Variants in MYO3B observed in about 807,000 individuals in gnomAD.
MYO3B encodes the protein myosin-IIIb.
A neutral mutation model predicts 174.6 loss-of-function variants in MYO3B; 156 were observed. The observed-to-expected ratio is 0.89, with a 90% CI of 0.78 to 1.02. The LOEUF (loss-of-function observed/expected upper bound fraction) is 1.02, where lower values mean the gene tolerates loss of function less well. Among genes scored for constraint, MYO3B ranks in the 50% least tolerant of loss-of-function variants. The probability of loss-of-function intolerance (pLI) is 0.00; values close to 1 mark genes in which losing one functional copy is unlikely to be tolerated. For synonymous variants in MYO3B, 563 were observed against 569.1 expected (o/e 0.99, Z 0.15); for missense variants, 1,632 against 1,639.4 (o/e 1.00, Z 0.08).
intron 31 of MYO3B, among the ~76,000 whole-genome samples, 181 bp downstream of exon 31, chr2:170,543,147 G>T (rs1342797314): frequency 6.6e-6 from 1 of 152,198 alleles, no homozygotes; most frequent in Non-Finnish European, 1.5e-5. Flanking sequence ...GTTCAGTAGA[G>T]AGACAGGGAG....
At chr2:170,309,347 T>C (rs1395307387) in intron 7 of MYO3B, among the ~76,000 whole-genome samples, 1 of 152,194 alleles carries the variant, frequency 6.6e-6, no homozygotes, top group Non-Finnish European at 1.5e-5. Flanking sequence ...AAGGAGGTAC[T>C]AGCTTCCTTT....
chr2:170,613,298 G>A lies in MYO3B; in HGVS notation c.3734-38330G>A, dbSNP rs559255060. ...GTTCCCACCCCTACCTGCAATCCAA[G>A]TTCACACTGGCACTGATGGGACTTC... On this transcript the variant is annotated intron_variant, in intron 32 of 34. Transcript: ENST00000408978. 2.6e-5 allele frequency among the ~76,000 whole-genome samples: 4 copies of A among 152,286 alleles called. No individual in the cohort carries two copies. The East Asian group carries it at 7.7e-4, about 29-fold the overall frequency.
chr2:170,587,362 A>C (rs1693551477), intron 32 of MYO3B, among the ~76,000 whole-genome samples: 1 of 152,152 alleles, frequency 6.6e-6, no homozygotes, highest in Admixed American at 6.5e-5. Context: ...TGTTTTGTTC[A>C]TTATGGCCCC....
At chr2:170,538,274 G>T (rs1421796664) in intron 30 of MYO3B, among the ~76,000 whole-genome samples, 2 of 152,166 alleles carry the variant, frequency 1.3e-5, no homozygotes, top group African/African-American at 4.8e-5. Flanking sequence ...CTAGAGAGGG[G>T]AAAAGTATAG....
chr2:170,466,547 G>GC lies in MYO3B; in HGVS notation c.2854dup (p.His952ProfsTer7), dbSNP rs1434866218. On this transcript the variant is annotated frameshift_variant, in exon 25 of 35. Coordinates refer to ENST00000408978, the MANE Select transcript of MYO3B (RefSeq NM_138995.5). LOFTEE classifies it high-confidence loss of function. ...TGCTCTCCAAAATGGTGGTTGGACA[G>GC]CCCCACTTTGTGCGCTGCATTAAAC... The GC allele has an allele frequency of 6.2e-7, 1 of 1,614,042 alleles. No individual in the cohort carries two copies. The highest frequency in any genetic ancestry group is 8.5e-7 in the Non-Finnish European group (1 of 1,180,036).
At position 170,214,843 on chromosome 2, in the gene MYO3B, T is replaced by A. The variant is rs111734289; in HGVS notation, c.526+15T>A. ...CGTTGACTTTGGTAATGACTGCTTG[T>A]CGTTTGTTTTCTTGACGTGTGCAGT... is the stretch of plus-strand genomic sequence containing the variant. On this transcript the variant is annotated intron_variant, in intron 5 of 34. Transcript: ENST00000408978. The A allele has an allele frequency of 1.9e-6, 3 of 1,598,850 alleles. No homozygotes were observed. The highest frequency in any genetic ancestry group is 8.6e-7 in the Non-Finnish European group (1 of 1,166,166).
intron 23 of MYO3B, among the ~76,000 whole-genome samples, chr2:170,451,973 C>T (rs1461914318): frequency 1.3e-5 from 2 of 152,132 alleles, no homozygotes; most frequent in Non-Finnish European, 2.9e-5. Flanking sequence ...CAACCCAAAG[C>T]CAATCGGCCC....
chr2:170,212,262 G>A (rs1379750722), intron 3 of MYO3B, among the ~76,000 whole-genome samples: 1 of 142,956 alleles, frequency 7.0e-6, no homozygotes, highest in Non-Finnish European at 1.5e-5. Context: ...AAAAAAAAAA[G>A]TCTGGGGGAA....
At position 170,200,188 on chromosome 2, in the gene MYO3B, G is replaced by A. The variant is rs775392274; in HGVS notation, c.225G>A (p.Leu75=). 2.5e-6 allele frequency: 4 copies of A among 1,613,450 alleles called. No individual in the cohort carries two copies. The highest frequency in any genetic ancestry group is 2.5e-6 in the Non-Finnish European group (3 of 1,179,644). Residue 75 remains leucine (L), a synonymous_variant, in exon 3 of 35, where the codon TTG becomes TTA. Transcript: ENST00000408978. ...DEEIEAEYNI[L]QFLPNHPNVV... is the part of the protein sequence containing the mutation. ...AAATTGAGGCAGAATACAACATTTT[G>A]CAGTTCCTTCCTAATCATCCCAATG...
At chr2:170,634,590 A>G (rs567519310) in intron 32 of MYO3B, among the ~76,000 whole-genome samples, 1 of 152,376 alleles carries the variant, frequency 6.6e-6, no homozygotes, top group Non-Finnish European at 1.5e-5. Context: ...CAGCAAAAGC[A>G]ATGGCAACAA....
chr2:170,483,760 G>C (rs1054063028), intron 25 of MYO3B, among the ~76,000 whole-genome samples: 1 of 152,198 alleles, frequency 6.6e-6, no homozygotes, highest in African/African-American at 2.4e-5. Flanking sequence ...AGAGGAAAGA[G>C]AATGTGAGGA....
intron 22 of MYO3B, among the ~76,000 whole-genome samples, chr2:170,437,249 G>T (rs577621047): frequency 6.7e-6 from 1 of 148,236 alleles, no homozygotes; most frequent in African/African-American, 2.6e-5. Flanking sequence ...TTCTCCTTAC[G>T]TGCAGAGAGA....
chr2:170,366,670 GA>G (rs1209686619), intron 8 of MYO3B, among the ~76,000 whole-genome samples: 1 of 152,140 alleles, frequency 6.6e-6, no homozygotes, highest in East Asian at 1.9e-4. Context: ...AGAAATAACA[GA>G]TTTACTCGTT....
chr2:170,186,508 G>A (rs2092465550), intron 1 of MYO3B, among the ~76,000 whole-genome samples: 1 of 152,118 alleles, frequency 6.6e-6, no homozygotes, highest in Non-Finnish European at 1.5e-5. Context: ...TTAATGTATT[G>A]TTGAATTTGG....
Position 170,542,924 on chromosome 2 carries a change from T to A in MYO3B, c.3594T>A (p.Ser1198Arg). ...TTTTCAGGCATTCACAAGCCCAGAG[T>A]TCTCCAAAAGGGTGCGATATCTTCG... ...TEKNGHSQAQ[S>R]SPKGCDIFAG... The change falls in exon 31 of 35, where the codon AGT becomes AGA. Residue 1198 changes from serine (S) to arginine (R), a missense_variant. Transcript: ENST00000408978. The A allele has an allele frequency of 6.2e-7, 1 of 1,608,698 alleles. No homozygotes were observed. Among genetic ancestry groups the A allele is most frequent in the Non-Finnish European group, 8.5e-7 (1 of 1,177,274 alleles).
intron 32 of MYO3B, among the ~76,000 whole-genome samples, chr2:170,635,356 T>A (rs1210646484): frequency 1.3e-5 from 2 of 151,846 alleles, no homozygotes; most frequent in Admixed American, 1.3e-4. Context: ...GCAAACTATC[T>A]CAAGGACAGA....
intron 8 of MYO3B, chr2:170,345,309 A>G (rs1422352734): frequency 1.3e-5 from 2 of 152,166 alleles, no homozygotes; most frequent in Non-Finnish European, 2.9e-5. Context: ...AAAATTTATA[A>G]CAGAAAATTT....
chr2:170,469,614 G>T (rs919288705), intron 25 of MYO3B, among the ~76,000 whole-genome samples: 2 of 151,948 alleles, frequency 1.3e-5, no homozygotes. Flanking sequence ...CAGAAACTAG[G>T]AGTCACCTTT....
chr2:170,334,115 G>A (rs968874263), intron 7 of MYO3B: 1 of 152,146 alleles, frequency 6.6e-6, no homozygotes, highest in Non-Finnish European at 1.5e-5. Flanking sequence ...TCAAGCTCTA[G>A]CCATCATACC....
Sources: gnomAD v4.1 joint callset for allele counts (sites outside exome capture counted in the v4.1 genomes callset) on GRCh38, gnomAD v4.1.1 for gene constraint, MANE v1.5 for transcripts, NCBI Gene and HGNC (gene_info 2026-07-23, HGNC 2026-07-21) for gene names.